The following GALNT13 variants were observed in gnomAD, a reference collection of about 807,000 sequenced individuals.
The protein encoded by GALNT13 is UDP-GalNAc:polypeptide N-acetylgalactosaminyltransferase 13.
GALNT13 carries 28 observed loss-of-function variants against 64.2 expected under a neutral mutation model. The observed-to-expected ratio is 0.44, with a 90% CI of 0.32 to 0.60. The LOEUF (loss-of-function observed/expected upper bound fraction) is 0.60, where lower values mean the gene tolerates loss of function less well. Among genes scored for constraint, GALNT13 ranks in the 20% least tolerant of loss-of-function variants. The pLI, the probability that GALNT13 is intolerant of heterozygous loss-of-function variation, is 0.05. For missense variants in GALNT13, 577 were observed against 669.8 expected (o/e 0.86, Z 1.53); for synonymous variants, 214 against 224.6 (o/e 0.95, Z 0.42).
the GALNT13 span, among the ~76,000 whole-genome samples, chr2:153,381,593 T>A: frequency 1.3e-5 from 2 of 151,942 alleles, no homozygotes; most frequent in Admixed American, 1.3e-4. Context: ...GTAAGGCTGA[T>A]ACTCATCTAT....
Position 153,944,333 on chromosome 2 carries a change from G to A in GALNT13, c.-104-61G>A, listed in dbSNP as rs1691557023. The A allele has an allele frequency of 8.7e-6, 5 of 575,664 alleles. No individual in the cohort carries two copies. The South Asian group carries it at 1.4e-4, about 16-fold the overall frequency. 35.7% of individuals were successfully genotyped at this position (575,664 alleles called of 1,614,324 possible). On this transcript the variant is annotated intron_variant, in intron 2 of 12. Transcript: ENST00000392825. ...ATAAGTCATACATTTCATGTTATATGTTCTTTATCCAAAAATCTATGTGTA... is the reference window on the plus strand; with the variant it reads ...ATAAGTCATACATTTCATGTTATATATTCTTTATCCAAAAATCTATGTGTA...
the GALNT13 span, among the ~76,000 whole-genome samples, chr2:153,787,876 A>C: frequency 2.0e-5 from 3 of 152,204 alleles, no homozygotes. Flanking sequence ...GAAACAATAC[A>C]GTCAACAAAA....
the GALNT13 span, among the ~76,000 whole-genome samples, chr2:153,301,328 A>AG: frequency 6.6e-6 from 1 of 150,742 alleles, no homozygotes; most frequent in Non-Finnish European, 1.5e-5. Context: ...AGAAAAAAAA[A>AG]AAGAGTCTGC....
chr2:153,147,376 C>G, the GALNT13 span, among the ~76,000 whole-genome samples: 1 of 151,768 alleles, frequency 6.6e-6, no homozygotes, highest in African/African-American at 2.4e-5. Context: ...TTCTTAGCAA[C>G]TAAAACAGCA....
chr2:153,287,675 GTGCTCTTC>G, the GALNT13 span, among the ~76,000 whole-genome samples: 1 of 152,078 alleles, frequency 6.6e-6, no homozygotes, highest in African/African-American at 2.4e-5. Context: ...GCCTGTCGGT[GTGCTCTTC>G]TGCTCTTCTT....
chr2:153,618,633 G>A, the GALNT13 span, among the ~76,000 whole-genome samples: 1 of 151,796 alleles, frequency 6.6e-6, no homozygotes, highest in Non-Finnish European at 1.5e-5. Flanking sequence ...GAAGTCTTCT[G>A]CTATTATTGT....
chr2:153,636,399 A>G, the GALNT13 span, among the ~76,000 whole-genome samples: 2 of 152,162 alleles, frequency 1.3e-5, no homozygotes, highest in Admixed American at 6.6e-5. Flanking sequence ...AAAAACAGAA[A>G]GGTGGTATCC....
the GALNT13 span, among the ~76,000 whole-genome samples, chr2:153,523,043 ATTTTTTTTTT>A: frequency 1.2e-5 from 1 of 83,404 alleles, no homozygotes; most frequent in Non-Finnish European, 2.2e-5. Flanking sequence ...TGTGTTTACT[ATTTTTTTTTT>A]TTTTTTTTTT....
the GALNT13 span, among the ~76,000 whole-genome samples, chr2:153,501,076 AT>A: frequency 2.5e-5 from 2 of 80,640 alleles, no homozygotes; most frequent in South Asian, 5.5e-4. Context: ...AAAAAAAAAA[AT>A]ATATAAATTT....
At chr2:153,788,784 A>C in the GALNT13 span, among the ~76,000 whole-genome samples, 2 of 152,200 alleles carry the variant, frequency 1.3e-5, no homozygotes, top group African/African-American at 4.8e-5. Context: ...ATCAGAAAAA[A>C]AGCAGAGGTT....
At chr2:153,130,399 A>AT in the GALNT13 span, among the ~76,000 whole-genome samples, 2 of 152,106 alleles carry the variant, frequency 1.3e-5, no homozygotes. Flanking sequence ...TTAAAGAAGT[A>AT]TTGATGTAGG....
chr2:153,286,827 A>T, the GALNT13 span, among the ~76,000 whole-genome samples: 1 of 152,206 alleles, frequency 6.6e-6, no homozygotes, highest in Non-Finnish European at 1.5e-5. Context: ...AATAATCTTG[A>T]GTGGGAAAAG....
rs142715372 is a variant in GALNT13 at position 154,104,765 on chromosome 2, G to T, written c.143-35572G>T. On this transcript the variant is annotated intron_variant, in intron 3 of 12. Transcript: ENST00000392825. ...TGCCAAAGTCAGAGTGTGTTCTAGG[G>T]TGTGTTTGTGGGAGATTTAGTGATG... is the stretch of plus-strand genomic sequence containing the variant. Among the ~76,000 whole-genome samples the T allele has an allele frequency of 2.9e-4, 44 of 152,306 alleles. No homozygotes were observed. The East Asian group carries it at 8.3e-3, about 29-fold the overall frequency.
intron 9 of GALNT13, among the ~76,000 whole-genome samples, chr2:154,340,505 T>A (rs1353686446): frequency 6.6e-6 from 1 of 152,096 alleles, no homozygotes; most frequent in Non-Finnish European, 1.5e-5. Context: ...TAATAAAATG[T>A]TTTTTTGATT....
chr2:153,300,594 A>G, the GALNT13 span, among the ~76,000 whole-genome samples: 1 of 152,174 alleles, frequency 6.6e-6, no homozygotes, highest in Non-Finnish European at 1.5e-5. Context: ...CCTCAAACCA[A>G]TGTCATTACT....
chr2:153,762,340 C>G, the GALNT13 span: 3 of 152,160 alleles, frequency 2.0e-5, no homozygotes, highest in African/African-American at 7.2e-5. Flanking sequence ...AACAATGTTA[C>G]TCCTCTTTCC....
At chr2:154,032,864 C>CAT in intron 3 of GALNT13, among the ~76,000 whole-genome samples, 1 of 110,092 alleles carries the variant, frequency 9.1e-6, no homozygotes, top group Admixed American at 1.0e-4. Context: ...CCTACATTTC[C>CAT]TTTTTTTTTT....
chr2:153,219,683 A>G, the GALNT13 span, among the ~76,000 whole-genome samples: 1 of 152,226 alleles, frequency 6.6e-6, no homozygotes, highest in African/African-American at 2.4e-5. Flanking sequence ...GAACTGGTAA[A>G]AATTTATGAG....
At chr2:153,798,099 A>G in the GALNT13 span, among the ~76,000 whole-genome samples, 1 of 152,158 alleles carries the variant, frequency 6.6e-6, no homozygotes, top group South Asian at 2.1e-4. Flanking sequence ...AAATTTTAGA[A>G]GCCCTGCTCT....
Sources: allele counts gnomAD v4.1 joint callset (sites outside exome capture counted in the v4.1 genomes callset), GRCh38; gene constraint gnomAD v4.1.1; transcripts MANE v1.5; gene names NCBI Gene and HGNC (gene_info 2026-07-23, HGNC 2026-07-21).